Variants in CIROZ observed in about 807,000 individuals in gnomAD.
The protein encoded by CIROZ is ciliated left-right organizer ZP-N domains-containing protein.
the CIROZ span, among the ~76,000 whole-genome samples, chr1:10,951,730 T>C: frequency 5.7e-4 from 71 of 125,350 alleles, no homozygotes; most frequent in Non-Finnish European, 1.0e-3. Flanking sequence ...GTCTCTTATT[T>C]AAAAAAAAAA....
At chr1:10,966,608 A>C in the CIROZ span, 2 of 1,061,212 alleles carry the variant, frequency 1.9e-6, no homozygotes, top group Non-Finnish European at 2.6e-6. Context: ...GGAAGGGATA[A>C]AAATAGCAGT....
the CIROZ span, chr1:10,947,717 C>G: frequency 7.7e-6 from 12 of 1,553,294 alleles, no homozygotes; most frequent in African/African-American, 1.6e-4. Context: ...GCTCAGGAGG[C>G]CTGTGGCTTT....
the CIROZ span, among the ~76,000 whole-genome samples, chr1:10,978,731 T>C: frequency 2.6e-5 from 4 of 151,846 alleles, no homozygotes; most frequent in Non-Finnish European, 4.4e-5. Context: ...AAGAGTCCCA[T>C]GCAAAGACCT....
chr1:10,962,956 C>T, the CIROZ span, among the ~76,000 whole-genome samples: 2 of 151,926 alleles, frequency 1.3e-5, no homozygotes, highest in Non-Finnish European at 2.9e-5. Flanking sequence ...GCCGTCTCTA[C>T]AAAAAATTTG....
the CIROZ span, among the ~76,000 whole-genome samples, chr1:10,958,945 G>A: frequency 6.6e-6 from 1 of 152,134 alleles, no homozygotes; most frequent in Non-Finnish European, 1.5e-5. Flanking sequence ...ACAGACGCAG[G>A]GAAATGTCAC....
At chr1:10,947,707 G>C in the CIROZ span, 1 of 1,542,634 alleles carries the variant, frequency 6.5e-7, no homozygotes, top group East Asian at 2.3e-5. Context: ...CTGTCTTGAA[G>C]CTCAGGAGGC....
the CIROZ span, among the ~76,000 whole-genome samples, chr1:10,974,088 T>C: frequency 0.31 from 47,271 of 151,764 alleles, 8,706 homozygotes; most frequent in African/African-American, 0.52. This position sits in a 1 kb window ranked among gnomAD's most constrained non-coding sequence, Gnocchi z 4.4. Context: ...AGTGGGAGGC[T>C]GATTGATTCC....
the CIROZ span, chr1:10,957,809 G>A: frequency 1.9e-6 from 3 of 1,555,848 alleles, no homozygotes; most frequent in Admixed American, 5.5e-5. Context: ...CGGTCACTAG[G>A]GGTTACGGAG....
the CIROZ span, chr1:10,947,667 C>T: frequency 5.9e-3 from 8,809 of 1,495,068 alleles, 374 homozygotes; most frequent in African/African-American, 0.1. Flanking sequence ...GGAGGCTCAG[C>T]GTGAGGGCCT....
chr1:10,981,746 T>TC, the CIROZ span, among the ~76,000 whole-genome samples: 1 of 152,128 alleles, frequency 6.6e-6, no homozygotes, highest in African/African-American at 2.4e-5. Context: ...CTTCTGGAAA[T>TC]CCTTCCCAAG....
At chr1:10,958,971 C>A in the CIROZ span, among the ~76,000 whole-genome samples, 1 of 152,190 alleles carries the variant, frequency 6.6e-6, no homozygotes, top group Admixed American at 6.5e-5. Flanking sequence ...CAGCTGCCAT[C>A]CTAGGCCCGG....
At chr1:10,957,112 G>C in the CIROZ span, 4 of 1,548,128 alleles carry the variant, frequency 2.6e-6, no homozygotes, top group South Asian at 2.4e-5. Flanking sequence ...CAGCACCTGG[G>C]GAGGAAGGGG....
chr1:10,950,553 C>A, the CIROZ span, among the ~76,000 whole-genome samples: 14 of 152,192 alleles, frequency 9.2e-5, no homozygotes, highest in Non-Finnish European at 1.9e-4. Context: ...GCAGCGTAGG[C>A]ATTCCAGGCC....
chr1:10,957,925 C>G, the CIROZ span, among the ~76,000 whole-genome samples: 1 of 152,188 alleles, frequency 6.6e-6, no homozygotes, highest in African/African-American at 2.4e-5. Context: ...GTCAACCAGA[C>G]GCTAGCACGC....
the CIROZ span, chr1:10,948,195 T>C: frequency 1.2e-6 from 2 of 1,613,822 alleles, no homozygotes; most frequent in African/African-American, 1.3e-5. Flanking sequence ...CTGGCTTGGT[T>C]CTGAGGATGA....
At chr1:10,957,558 A>G in the CIROZ span, 1 of 1,597,470 alleles carries the variant, frequency 6.3e-7, no homozygotes, top group Non-Finnish European at 8.5e-7. Context: ...CTGCTCTTCT[A>G]GGTGCTATGC....
chr1:10,976,353 TGAGACG>T, the CIROZ span: 1 of 805,196 alleles, frequency 1.2e-6, no homozygotes, highest in South Asian at 1.7e-5. Flanking sequence ...TTTTTTTTTC[TGAGACG>T]GAGTCTCGCT....
the CIROZ span, chr1:10,957,170 C>T: frequency 5.9e-6 from 8 of 1,353,068 alleles, no homozygotes; most frequent in Non-Finnish European, 8.0e-6. Context: ...TGCAGACTCC[C>T]TCCACAGGGG....
the CIROZ span, chr1:10,964,400 A>G: frequency 1.7e-6 from 2 of 1,163,086 alleles, no homozygotes; most frequent in Non-Finnish European, 2.4e-6. Flanking sequence ...GGGCTTGTGG[A>G]AGAGGGATGG....
Sources: gnomAD v4.1 joint callset for allele counts (sites outside exome capture counted in the v4.1 genomes callset) on GRCh38, gnomAD v4.1.1 for gene constraint, Gnocchi (gnomAD v3.1) non-coding constraint, MANE v1.5 for transcripts, NCBI Gene and HGNC (gene_info 2026-07-23, HGNC 2026-07-21) for gene names.